The following IFT25 variants were observed in gnomAD, a reference collection of about 807,000 sequenced individuals.
IFT25 encodes intraflagellar transport 25, also known as intraflagellar transport protein 25 homolog.
chr1:53,928,505 T>G, the IFT25 span: 4 of 1,213,612 alleles, frequency 3.3e-6, no homozygotes, highest in Non-Finnish European at 4.9e-6. Context: ...CTATATTTCT[T>G]TTTCCCTCTG....
chr1:53,926,128 T>C, the IFT25 span, among the ~76,000 whole-genome samples: 2 of 151,836 alleles, frequency 1.3e-5, no homozygotes, highest in Non-Finnish European at 2.9e-5. Context: ...TAAGACATTA[T>C]TGACATTTCA....
the IFT25 span, among the ~76,000 whole-genome samples, chr1:53,925,548 C>T: frequency 6.6e-6 from 1 of 151,426 alleles, no homozygotes; most frequent in Non-Finnish European, 1.5e-5. Context: ...ACCTGTAGTC[C>T]CAGTTACTCG....
At chr1:53,946,038 A>AGGCCCCGCCCACAATC in the IFT25 span, 4 of 147,680 alleles carry the variant, frequency 2.7e-5, no homozygotes, top group Non-Finnish European at 4.5e-5. Flanking sequence ...CGCCTCCCAC[A>AGGCCCCGCCCACAATC]GGCCCCGCCC....
At chr1:53,938,408 G>A in the IFT25 span, among the ~76,000 whole-genome samples, 18 of 152,070 alleles carry the variant, frequency 1.2e-4, no homozygotes, top group African/African-American at 4.3e-4. Context: ...AGGTAACAGA[G>A]GTATATACCA....
At chr1:53,935,457 G>A in the IFT25 span, among the ~76,000 whole-genome samples, 1 of 152,124 alleles carries the variant, frequency 6.6e-6, no homozygotes, top group Non-Finnish European at 1.5e-5. Context: ...TCTTGTGTGG[G>A]GTTTCTTTTT....
the IFT25 span, among the ~76,000 whole-genome samples, chr1:53,936,685 A>G: frequency 2.6e-5 from 4 of 152,178 alleles, no homozygotes; most frequent in Non-Finnish European, 5.9e-5. Context: ...AAGATAACAC[A>G]TAATTCACTT....
the IFT25 span, among the ~76,000 whole-genome samples, chr1:53,920,859 G>A: frequency 6.6e-6 from 1 of 151,624 alleles, no homozygotes; most frequent in African/African-American, 2.4e-5. Context: ...ACCCTTCTCT[G>A]AGGTTTTCAA....
the IFT25 span, among the ~76,000 whole-genome samples, chr1:53,920,094 T>A: frequency 8.5e-5 from 13 of 152,200 alleles, no homozygotes; most frequent in Non-Finnish European, 1.8e-4. Flanking sequence ...CCACCATGCC[T>A]GGACTAATGA....
the IFT25 span, among the ~76,000 whole-genome samples, chr1:53,940,563 AAAC>A: frequency 9.2e-5 from 14 of 152,230 alleles, no homozygotes; most frequent in African/African-American, 3.4e-4. Context: ...TAAATTAAAA[AAAC>A]AACTAAATAC....
chr1:53,935,907 T>C, the IFT25 span, among the ~76,000 whole-genome samples: 4 of 152,318 alleles, frequency 2.6e-5, no homozygotes, highest in East Asian at 7.7e-4. Context: ...TGTTTTTCTT[T>C]GGATGCTTTC....
chr1:53,914,442 G>A, the IFT25 span, among the ~76,000 whole-genome samples: 2,730 of 151,970 alleles, frequency 0.018, 90 homozygotes, highest in African/African-American at 0.063. Flanking sequence ...TCTTTAACCA[G>A]AAGTATCCAT....
the IFT25 span, among the ~76,000 whole-genome samples, chr1:53,930,345 A>G: frequency 6.6e-6 from 1 of 152,186 alleles, no homozygotes; most frequent in African/African-American, 2.4e-5. Context: ...AAACACAGAA[A>G]CGGAATTGAT....
the IFT25 span, among the ~76,000 whole-genome samples, chr1:53,922,575 C>T: frequency 1.3e-5 from 2 of 152,216 alleles, no homozygotes; most frequent in East Asian, 3.9e-4. Context: ...TACAACCTTG[C>T]ACCCAGTAAT....
chr1:53,927,422 A>T, the IFT25 span, among the ~76,000 whole-genome samples: 1 of 152,180 alleles, frequency 6.6e-6, no homozygotes, highest in Non-Finnish European at 1.5e-5. Flanking sequence ...TGTTCCCACT[A>T]TTCAATATGT....
chr1:53,930,083 T>C, the IFT25 span: 1 of 1,577,094 alleles, frequency 6.3e-7, no homozygotes, highest in South Asian at 1.2e-5. Context: ...TACATGTTTG[T>C]GGAAACAAAT....
chr1:53,929,889 C>T, the IFT25 span: 2,207 of 1,229,796 alleles, frequency 1.8e-3, 40 homozygotes, highest in African/African-American at 0.029. Flanking sequence ...AACTGGATTC[C>T]ATGCTATAAA....
chr1:53,937,729 C>T, the IFT25 span, among the ~76,000 whole-genome samples: 3 of 152,100 alleles, frequency 2.0e-5, no homozygotes, highest in Admixed American at 6.5e-5. Context: ...CCTTAGAAAA[C>T]GAATCTATCT....
At chr1:53,928,416 C>CT in the IFT25 span, 1 of 1,612,874 alleles carries the variant, frequency 6.2e-7, no homozygotes, top group Non-Finnish European at 8.5e-7. Flanking sequence ...TTTAGACGTG[C>CT]TTTTTTCAAT....
At chr1:53,924,791 C>G in the IFT25 span, among the ~76,000 whole-genome samples, 1 of 152,102 alleles carries the variant, frequency 6.6e-6, no homozygotes, top group South Asian at 2.1e-4. Context: ...GAGCCGAGAT[C>G]GCGCCACTGC....
Sources: gnomAD v4.1 joint callset for allele counts (sites outside exome capture counted in the v4.1 genomes callset) on GRCh38, gnomAD v4.1.1 for gene constraint, MANE v1.5 for transcripts, NCBI Gene and HGNC (gene_info 2026-07-23, HGNC 2026-07-21) for gene names.